Variants in TBXAS1 observed in about 807,000 individuals in gnomAD.
TBXAS1 encodes the protein thromboxane A synthase 1, also known as thromboxane-A synthase.
Under a neutral mutation model 60.7 loss-of-function variants are expected in TBXAS1, and 48 were observed. The ratio of observed to expected loss-of-function variants is 0.79; its 90% CI spans 0.63 to 1.01. The LOEUF is 1.01. Ranked by LOEUF, TBXAS1 falls within the 50% of genes least tolerant of loss-of-function variation. The pLI is 0.00. For missense variants in TBXAS1, 685 were observed against 686.3 expected, an observed-to-expected ratio of 1.00 and a Z score of 0.02; for synonymous variants, 287 against 269.7, an observed-to-expected ratio of 1.06 and a Z score of -0.63.
chr7:139,885,285 C>T (rs902707144), intron 3 of TBXAS1, among the ~76,000 whole-genome samples: 11 of 152,162 alleles, frequency 7.2e-5, no homozygotes, highest in African/African-American at 2.4e-4. Flanking sequence ...TGTTCCCAAT[C>T]GATAGAATGT....
chr7:139,951,317 A>C (rs1446484117), intron 5 of TBXAS1, among the ~76,000 whole-genome samples: 1 of 152,066 alleles, frequency 6.6e-6, no homozygotes, highest in Non-Finnish European at 1.5e-5. Context: ...TACAGATCTC[A>C]GGAAGTGATT....
chr7:139,800,901 T>C (rs1398963917), intron 4 of TBXAS1, among the ~76,000 whole-genome samples: 2 of 152,212 alleles, frequency 1.3e-5, no homozygotes, highest in African/African-American at 4.8e-5. Flanking sequence ...ATCCAAACTT[T>C]CTTCTTCTTC....
chr7:139,849,019 C>A (rs568991177), intron 1 of TBXAS1, among the ~76,000 whole-genome samples: 1 of 151,964 alleles, frequency 6.6e-6, no homozygotes, highest in African/African-American at 2.4e-5. Context: ...AAAAACTTAA[C>A]GTGAATGGAC....
At chr7:139,783,367 G>A (rs1217102524) in intron 3 of TBXAS1, among the ~76,000 whole-genome samples, 1 of 143,094 alleles carries the variant, frequency 7.0e-6, no homozygotes, top group Non-Finnish European at 1.5e-5. Context: ...AAAAAAAAAT[G>A]CAATCAGCCT....
chr7:139,972,367 A>T (rs1811267481), intron 9 of TBXAS1, among the ~76,000 whole-genome samples: 2 of 152,216 alleles, frequency 1.3e-5, no homozygotes, highest in African/African-American at 4.8e-5. Context: ...AGAATGAAAA[A>T]TAAACTTGGG....
At chr7:139,977,586 A>C (rs532680345) in intron 9 of TBXAS1, among the ~76,000 whole-genome samples, 24 of 152,290 alleles carry the variant, frequency 1.6e-4, no homozygotes, top group African/African-American at 5.8e-4. Context: ...GGGACGTTCC[A>C]TCACAGGCCC....
At chr7:139,856,170 T>C (rs917060946) in intron 1 of TBXAS1, among the ~76,000 whole-genome samples, 10 of 152,322 alleles carry the variant, frequency 6.6e-5, no homozygotes, top group Admixed American at 1.3e-4. Flanking sequence ...AGTCTACTAA[T>C]TGGCAGACAG....
Position 139,901,164 on chromosome 7 carries a change from C to T in TBXAS1, c.237-10061C>T, listed in dbSNP as rs919096295. On this transcript the variant is annotated intron_variant, in intron 3 of 12. Coordinates refer to ENST00000448866, the MANE Select transcript of TBXAS1 (RefSeq NM_001061.7). The stretch of plus-strand genomic sequence containing the variant: ...TCTCCATTCAAGGTCTTTTCAGGAG[C>T]TCCTCAAACTACAGATGAGAGTTTT... 3.3e-5 allele frequency among the ~76,000 whole-genome samples: 5 copies of T among 152,170 alleles called. No individual in the cohort carries two copies. The East Asian group carries it at 9.6e-4, about 29-fold the overall frequency.
intron 9 of TBXAS1, among the ~76,000 whole-genome samples, chr7:139,991,838 C>T (rs899364868): frequency 2.6e-5 from 4 of 152,154 alleles, no homozygotes; most frequent in Non-Finnish European, 2.9e-5. Flanking sequence ...ACTGAAGCCC[C>T]GGAGAGCACG....
At chr7:139,967,267 T>C (rs1167242433) in intron 9 of TBXAS1, among the ~76,000 whole-genome samples, 4 of 152,228 alleles carry the variant, frequency 2.6e-5, no homozygotes, top group African/African-American at 9.7e-5. Context: ...CAAGTACTTT[T>C]CCTTTGCTCA....
intron 5 of TBXAS1, among the ~76,000 whole-genome samples, chr7:139,951,978 G>C (rs1584937828): frequency 6.9e-6 from 1 of 144,256 alleles, no homozygotes; most frequent in Admixed American, 7.0e-5. Flanking sequence ...AAGAAAGAAA[G>C]AAAGAAAGAA....
intron 2 of TBXAS1, among the ~76,000 whole-genome samples, chr7:139,875,306 T>C (rs919212917): frequency 6.6e-6 from 1 of 152,238 alleles, no homozygotes; most frequent in Non-Finnish European, 1.5e-5. Flanking sequence ...GGCAATGTTA[T>C]AGTTGAGAAA....
At chr7:139,970,699 G>A (rs1811135015) in intron 9 of TBXAS1, among the ~76,000 whole-genome samples, 2 of 152,192 alleles carry the variant, frequency 1.3e-5, no homozygotes, top group Non-Finnish European at 2.9e-5. Flanking sequence ...ATACATGTTA[G>A]AAGTGTATTA....
intron 12 of TBXAS1, among the ~76,000 whole-genome samples, chr7:140,018,131 C>T (rs1454831728): frequency 6.6e-6 from 1 of 152,228 alleles, no homozygotes; most frequent in African/African-American, 2.4e-5. Flanking sequence ...TTGTTCTCTG[C>T]ACACCAGGGC....
At chr7:139,885,097 T>C (rs975784550) in intron 3 of TBXAS1, among the ~76,000 whole-genome samples, 2 of 152,198 alleles carry the variant, frequency 1.3e-5, no homozygotes, top group Non-Finnish European at 2.9e-5. Flanking sequence ...CTGCAGCGGC[T>C]GGAGCGTCAG....
At chr7:139,793,066 T>TA (rs2117252870) in intron 4 of TBXAS1, among the ~76,000 whole-genome samples, 1 of 152,282 alleles carries the variant, frequency 6.6e-6, no homozygotes, top group South Asian at 2.1e-4. Context: ...TGGTATAAAC[T>TA]AAAAATATTA....
chr7:139,925,206 G>T (rs2117126152), intron 4 of TBXAS1, among the ~76,000 whole-genome samples: 1 of 152,174 alleles, frequency 6.6e-6, no homozygotes, highest in Non-Finnish European at 1.5e-5. Flanking sequence ...GTCACATAGA[G>T]ATTGCATTGA....
chr7:139,881,627 G>T (rs767705872), intron 3 of TBXAS1, among the ~76,000 whole-genome samples: 11 of 152,190 alleles, frequency 7.2e-5, no homozygotes, highest in Non-Finnish European at 1.5e-4. Context: ...TGGATGTCAC[G>T]TTTGTAGCTT....
intron 10 of TBXAS1, among the ~76,000 whole-genome samples, chr7:140,009,345 C>T (rs1018612941): frequency 6.6e-6 from 1 of 152,174 alleles, no homozygotes; most frequent in African/African-American, 2.4e-5. Flanking sequence ...CATGCTGCTC[C>T]GTGCCTCTCC....
Sources: gnomAD v4.1 joint callset for allele counts (sites outside exome capture counted in the v4.1 genomes callset) on GRCh38, gnomAD v4.1.1 for gene constraint, MANE v1.5 for transcripts, NCBI Gene and HGNC (gene_info 2026-07-23, HGNC 2026-07-21) for gene names.